Variants in ATG16L1 observed in about 807,000 individuals in gnomAD.
The protein encoded by ATG16L1 is autophagy related 16 like 1, also known as autophagy-related protein 16-1.
ATG16L1 carries 37 observed loss-of-function variants against 88.5 expected under a neutral mutation model. That is an observed-to-expected ratio of 0.42 (90% CI 0.32 to 0.55). ATG16L1 has a LOEUF of 0.55. Ranked by LOEUF, ATG16L1 falls within the 20% of genes least tolerant of loss-of-function variation. The pLI is 0.13. For synonymous variants in ATG16L1, 301 were observed against 281.0 expected, an observed-to-expected ratio of 1.07 and a Z score of -0.71; for missense variants, 554 against 752.8, an observed-to-expected ratio of 0.74 and a Z score of 3.09.
At chr2:233,254,874 T>A (rs1696663927) in intron 1 of ATG16L1, among the ~76,000 whole-genome samples, 1 of 152,150 alleles carries the variant, frequency 6.6e-6, no homozygotes, top group Non-Finnish European at 1.5e-5. Flanking sequence ...ATAAACCCTG[T>A]CTTGTTCTGC....
intron 2 of ATG16L1, among the ~76,000 whole-genome samples, chr2:233,261,262 A>T (rs1697192503): frequency 6.6e-6 from 1 of 151,982 alleles, no homozygotes; most frequent in Admixed American, 6.5e-5. Flanking sequence ...GCCTGTTGTT[A>T]GTTTTTATTT....
In ATG16L1 at chr2:233,281,171, G is replaced by T; in HGVS notation, c.1127G>T (p.Ser376Ile). ...NAGITSIEFD[S>I]AGSYLLAASN... is the part of the protein sequence containing the mutation. ...GGAATTACAAGCATTGAATTTGATA[G>T]TGCTGTAAGTATTGAATAGCTATGA... Residue 376 changes from serine to isoleucine, a missense_variant, in exon 11 of 18, where the codon AGT becomes ATT. By Grantham distance (142) the Ser-to-Ile change is moderately radical (BLOSUM62 -2). Transcript: ENST00000392017. 6.3e-7 allele frequency: 1 copy of T among 1,592,900 alleles called. No homozygotes were observed. The highest frequency in any genetic ancestry group is 8.5e-7 in the Non-Finnish European group (1 of 1,170,874).
chr2:233,273,216 TCAC>T, intron 7 of ATG16L1, 164 bp downstream of exon 7: 1 of 600,848 alleles, frequency 1.7e-6, no homozygotes, highest in Non-Finnish European at 3.0e-6. Flanking sequence ...CTTTCTCAGT[TCAC>T]CTCTGCTTAA....
chr2:233,273,767 A>G lies in ATG16L1; in HGVS notation c.841A>G (p.Asn281Asp), dbSNP rs1403145746. The change falls in exon 8 of 18, where the codon AAT becomes GAT. Residue 281 changes from asparagine to aspartate, a missense_variant. Physicochemically the swap from Asn to Asp is conservative, Grantham distance 23. Around this residue, in one of 5 missense-constraint regions of ATG16L1, gnomAD observed 370 missense variants for 509.7 expected, o/e 0.73. Coordinates refer to ENST00000392017, the MANE Select transcript of ATG16L1 (RefSeq NM_030803.7). ...TGGAGGCCTTCTGGATTCTATCACT[A>G]ATATCTTTGGGTAGGTTAGAAGACC... is the stretch of plus-strand genomic sequence containing the variant. ...PAGGLLDSITNIFGRRSVSSF... is the reference protein window; with the variant it reads ...PAGGLLDSITDIFGRRSVSSF... 2 of 1,613,942 alleles carry G rather than the reference A, an allele frequency of 1.2e-6. No individual in the cohort carries two copies. Among genetic ancestry groups the G allele is most frequent in the Non-Finnish European group, 1.7e-6 (2 of 1,179,962 alleles).
chr2:233,252,107 C>G (rs921948529), intron 1 of ATG16L1, among the ~76,000 whole-genome samples, 165 bp downstream of exon 1: 8 of 152,212 alleles, frequency 5.3e-5, no homozygotes, highest in African/African-American at 1.9e-4. Flanking sequence ...AATGTTTTTT[C>G]TAACCTGCGT....
At chr2:233,293,476 C>A in intron 17 of ATG16L1, 119 bp downstream of exon 17, 1 of 897,274 alleles carries the variant, frequency 1.1e-6, no homozygotes, top group African/African-American at 1.6e-5. Flanking sequence ...CGCCCACCTG[C>A]TCGGCTGGCT....
intron 10 of ATG16L1, among the ~76,000 whole-genome samples, chr2:233,279,718 A>G (rs1698599941): frequency 6.6e-6 from 1 of 152,186 alleles, no homozygotes; most frequent in Admixed American, 6.5e-5. Context: ...CAGAAGTTCC[A>G]CTGGGAATTA....
chr2:233,253,012 T>C (rs1265347989), intron 1 of ATG16L1, among the ~76,000 whole-genome samples: 3 of 152,152 alleles, frequency 2.0e-5, no homozygotes, highest in Non-Finnish European at 2.9e-5. Context: ...CTTTAAAAAA[T>C]TACAAATCCC....
Position 233,290,094 on chromosome 2 carries a change from TTTAG to T in ATG16L1, c.1324+121_1324+124del. On this transcript the variant is annotated intron_variant, in intron 13 of 17. Coordinates refer to ENST00000392017, the MANE Select transcript of ATG16L1 (RefSeq NM_030803.7). ...TTTGAATTTCAGATCTGGCTTCATGTTTAGAGGGGCACTGAGGATAGTGATAGTT... is the reference window on the plus strand; with the variant it reads ...TTTGAATTTCAGATCTGGCTTCATGTAGGGGCACTGAGGATAGTGATAGTT... The T allele has an allele frequency of 3.9e-6, 6 of 1,534,580 alleles. No homozygotes were observed. In the South Asian group the frequency reaches 7.0e-5, roughly 18 times the overall value.
intron 17 of ATG16L1, 75 bp from the exon 18 acceptor site, chr2:233,294,182 T>G (rs1699657539): frequency 1.6e-6 from 2 of 1,226,898 alleles, no homozygotes; most frequent in East Asian, 2.5e-5. Flanking sequence ...ATGCACAAGC[T>G]TCTGGTGTTT....
chr2:233,255,618 T>G (rs761272580), intron 1 of ATG16L1, among the ~76,000 whole-genome samples: 8 of 152,350 alleles, frequency 5.3e-5, no homozygotes, highest in Middle Eastern at 3.4e-3. Flanking sequence ...TTATTCCTTC[T>G]GCATGGCCCA....
In ATG16L1 at chr2:233,251,956, G is replaced by T; in HGVS notation, c.115+14G>T. 1 of 1,532,808 alleles carries T rather than the reference G, an allele frequency of 6.5e-7. No individual in the cohort carries two copies. The highest frequency in any genetic ancestry group is 8.8e-7 in the Non-Finnish European group (1 of 1,140,144). 95.0% of individuals were successfully genotyped at this position (1,532,808 alleles called of 1,614,324 possible). On this transcript the variant is annotated intron_variant, in intron 1 of 17. Transcript: ENST00000392017. ...TCATCCTGCAGTGTGAGCGGCGCCGGTGCGGGCTGGGAGTGGGGCGGGCGG... is the reference window on the plus strand; with the variant it reads ...TCATCCTGCAGTGTGAGCGGCGCCGTTGCGGGCTGGGAGTGGGGCGGGCGG...
At chr2:233,290,836 A>C (rs905764986) in intron 14 of ATG16L1, among the ~76,000 whole-genome samples, 1 of 152,216 alleles carries the variant, frequency 6.6e-6, no homozygotes, top group Non-Finnish European at 1.5e-5. Flanking sequence ...GGCAGAAGCC[A>C]GTGAGGGGGC....
At chr2:233,262,246 CT>C (rs1697264481) in intron 2 of ATG16L1, among the ~76,000 whole-genome samples, 1 of 152,222 alleles carries the variant, frequency 6.6e-6, no homozygotes, top group Non-Finnish European at 1.5e-5. Context: ...CACCTCACTG[CT>C]CCCACCCTGG....
chr2:233,267,476 G>A (rs1697686738), intron 5 of ATG16L1, among the ~76,000 whole-genome samples: 1 of 152,202 alleles, frequency 6.6e-6, no homozygotes, highest in Admixed American at 6.5e-5. Flanking sequence ...AAAATGACTG[G>A]AAGGAATTAT....
chr2:233,251,858 C>A lies in ATG16L1; in HGVS notation c.31C>A (p.Pro11Thr). ...GTCGGGCCTCCGCGCCGCTGACTTCCCCCGCTGGAAGCGCCACATCTCGGA... is the reference window on the plus strand; with the variant it reads ...GTCGGGCCTCCGCGCCGCTGACTTCACCCGCTGGAAGCGCCACATCTCGGA... MSSGLRAADF[P>T]RWKRHISEQL... The change falls in exon 1 of 18, where the codon CCC becomes ACC. Residue 11 changes from proline to threonine, a missense_variant. Pro to Thr is a conservative substitution (Grantham distance 38). Coordinates refer to ENST00000392017, the MANE Select transcript of ATG16L1 (RefSeq NM_030803.7). The A allele has an allele frequency of 6.5e-7, 1 of 1,550,264 alleles. No individual in the cohort carries two copies. Among genetic ancestry groups the A allele is most frequent in the Non-Finnish European group, 8.7e-7 (1 of 1,147,100 alleles).
chr2:233,295,610 G>A lies in ATG16L1; in HGVS notation c.*1260G>A, dbSNP rs1186716117. The A allele has an allele frequency of 6.6e-6, 1 of 152,646 alleles. No homozygotes were observed. Among genetic ancestry groups the A allele is most frequent in the East Asian group, 1.9e-4 (1 of 5,330 alleles). The allele number at this position is 152,646 out of a possible 1,614,324, so 9.5% of individuals were successfully genotyped here. A position where few individuals can be genotyped will look rare whatever the true frequency, so the allele number is the denominator to read the frequency against. On this transcript the variant is annotated 3_prime_UTR_variant, in exon 18 of 18. Transcript: ENST00000392017. The stretch of plus-strand genomic sequence containing the variant: ...GCACATCTTTTATTTATTTCATTAT[G>A]TTGGCCAACAGAACTTGATTGTAAA...
intron 5 of ATG16L1, among the ~76,000 whole-genome samples, chr2:233,267,206 G>A (rs756035693): frequency 9.9e-5 from 15 of 152,102 alleles, no homozygotes; most frequent in Non-Finnish European, 1.2e-4. Context: ...AAAATTAGCC[G>A]GGTGTGGTAG....
intron 1 of ATG16L1, among the ~76,000 whole-genome samples, chr2:233,253,345 T>G (rs868088316): frequency 1.1e-4 from 14 of 123,862 alleles, no homozygotes; most frequent in East Asian, 1.0e-3. Context: ...TTTTTGTTTT[T>G]TTTTTTTTTT....
Sources: allele counts gnomAD v4.1 joint callset (sites outside exome capture counted in the v4.1 genomes callset), GRCh38; gene constraint gnomAD v4.1.1; regional missense constraint gnomAD v4.1.1; transcripts MANE v1.5; gene names NCBI Gene and HGNC (gene_info 2026-07-23, HGNC 2026-07-21).